EDARADD: variants seen among roughly 807,000 people sequenced by gnomAD.
The protein encoded by EDARADD is ectodysplasin-A receptor-associated adapter protein.
In EDARADD, 20 loss-of-function variants were observed where a neutral mutation model predicts 25.6. The observed-to-expected ratio is 0.78, with a 90% CI of 0.55 to 1.14. EDARADD has a LOEUF of 1.14. Ranked by LOEUF, EDARADD falls within the 50% of genes most tolerant of loss-of-function variation. EDARADD has a pLI of 0.00. For missense variants in EDARADD, 225 were observed against 270.1 expected, an observed-to-expected ratio of 0.83 and a Z score of 1.17; for synonymous variants, 86 against 94.4, an observed-to-expected ratio of 0.91 and a Z score of 0.52.
intron 3 of EDARADD, among the ~76,000 whole-genome samples, chr1:236,425,396 T>C (rs593156): frequency 0.46 from 70,005 of 151,996 alleles, 17,974 homozygotes; most frequent in Non-Finnish European, 0.59. Context: ...GGTCACTGCC[T>C]TTGCCTTAGC....
intron 4 of EDARADD, among the ~76,000 whole-genome samples, chr1:236,454,536 G>A (rs537681048): frequency 6.6e-6 from 1 of 152,324 alleles, no homozygotes; most frequent in East Asian, 1.9e-4. Context: ...ACTAGAGCAG[G>A]GGGATGACTC....
At chr1:236,390,518 A>C (rs1329529965), upstream of EDARADD, among the ~76,000 whole-genome samples, 3 of 152,060 alleles carry the variant, frequency 2.0e-5, no homozygotes, top group African/African-American at 7.2e-5. Context: ...CAGCCACTGC[A>C]CTCCAGCCTG....
intron 3 of EDARADD, among the ~76,000 whole-genome samples, chr1:236,370,455 A>G (rs773828156): frequency 6.6e-6 from 1 of 152,188 alleles, no homozygotes; most frequent in Non-Finnish European, 1.5e-5. Flanking sequence ...GTAGAAAAAG[A>G]GTAATTCACA....
intron 4 of EDARADD, among the ~76,000 whole-genome samples, chr1:236,434,817 A>AT (rs1235569387): frequency 6.6e-6 from 1 of 151,876 alleles, no homozygotes; most frequent in Non-Finnish European, 1.5e-5. Context: ...ATTTTCAGTG[A>AT]TTTTCTCATG....
intron 4 of EDARADD, among the ~76,000 whole-genome samples, chr1:236,459,611 CTTTT>C (rs397860471): frequency 3.1e-4 from 31 of 100,476 alleles, no homozygotes; most frequent in African/African-American, 4.1e-4. Flanking sequence ...TTATTTAGCT[CTTTT>C]TTTTTTTTTT....
rs1056670882 is a variant in EDARADD, at chr1:236,476,107, G to A, written c.266-6160G>A. On this transcript the variant is annotated intron_variant, in intron 5 of 5. Transcript: ENST00000334232. ...CTCAGGAGGCTGAAGCAGGAGAATCGCTGGAACCTGGTAGGCAGAGGTTGC... is the reference window on the plus strand; with the variant it reads ...CTCAGGAGGCTGAAGCAGGAGAATCACTGGAACCTGGTAGGCAGAGGTTGC... 8.5e-5 allele frequency among the ~76,000 whole-genome samples: 13 copies of A among 152,048 alleles called. 1 individual carries two copies. The highest frequency in any genetic ancestry group is 7.2e-4 in the Admixed American group (11 of 15,260).
At position 236,354,751 on chromosome 1, in the gene EDARADD, A is replaced by C. The variant is rs1666954974; in HGVS notation, c.-6+3912A>C. Among the ~76,000 whole-genome samples, 4 of 152,190 alleles carry C rather than the reference A, an allele frequency of 2.6e-5. No homozygotes were observed. The South Asian group carries it at 8.3e-4, about 31-fold the overall frequency. ...GCCAACCTCAAGCCAGTTTCAGCAA[A>C]TTGTAGAGACTGCACACACAAATTA... On this transcript the variant is annotated intron_variant, in intron 3 of 7. Transcript: ENST00000439430.
intron 3 of EDARADD, among the ~76,000 whole-genome samples, chr1:236,382,007 G>T (rs1667309055): frequency 6.6e-6 from 1 of 151,148 alleles, no homozygotes; most frequent in South Asian, 2.1e-4. Flanking sequence ...GGGTTTTGGT[G>T]ATTTTTTTTT....
chr1:236,445,542 T>C (rs1658515140), intron 4 of EDARADD, among the ~76,000 whole-genome samples: 1 of 152,144 alleles, frequency 6.6e-6, no homozygotes, highest in African/African-American at 2.4e-5. Context: ...ATCAATTCTT[T>C]ATTGACTGTC....
chr1:236,404,174 C>T (rs554094543), intron 1 of EDARADD, among the ~76,000 whole-genome samples: 5 of 152,350 alleles, frequency 3.3e-5, no homozygotes, highest in African/African-American at 4.8e-5. Context: ...CCTGAAGGCT[C>T]AGCCTGCTGT....
At chr1:236,448,858 G>T (rs904504705) in intron 4 of EDARADD, among the ~76,000 whole-genome samples, 7 of 152,162 alleles carry the variant, frequency 4.6e-5, no homozygotes, top group African/African-American at 1.7e-4. Flanking sequence ...AAAAACAGAG[G>T]CCCAGAGATT....
chr1:236,408,169 G>A (rs1050952821), intron 1 of EDARADD, among the ~76,000 whole-genome samples: 1 of 151,734 alleles, frequency 6.6e-6, no homozygotes, highest in African/African-American at 2.4e-5. Context: ...AATATGGTGG[G>A]GTTTTTTATG....
chr1:236,478,357 A>ATG (rs746114148), intron 5 of EDARADD, among the ~76,000 whole-genome samples: 21 of 128,304 alleles, frequency 1.6e-4, no homozygotes, highest in South Asian at 2.5e-4. Context: ...ATCCATATAT[A>ATG]TATGTGTGTG....
At chr1:236,454,251 T>C (rs2990596) in intron 4 of EDARADD, among the ~76,000 whole-genome samples, 109,870 of 151,840 alleles carry the variant, frequency 0.72, 40,434 homozygotes, top group Non-Finnish European at 0.8. Flanking sequence ...GGTTTCACCC[T>C]GTTAGCCAAG....
chr1:236,428,743 G>A (rs1377933221), intron 4 of EDARADD, among the ~76,000 whole-genome samples: 1 of 149,898 alleles, frequency 6.7e-6, no homozygotes, highest in African/African-American at 2.4e-5. Context: ...TGGCGGCCGG[G>A]CAGAGGCTGC....
chr1:236,358,060 G>A lies in EDARADD; in HGVS notation c.-6+7221G>A, dbSNP rs536285459. The stretch of plus-strand genomic sequence containing the variant: ...CTAATTTTGTATTTTTAGAAGAGAT[G>A]GGGTTTTGCCATGTTGGCCAGGCTG... On this transcript the variant is annotated intron_variant, in intron 3 of 7. Coordinates refer to the EDARADD transcript ENST00000439430. 1.8e-4 allele frequency among the ~76,000 whole-genome samples: 27 copies of A among 152,170 alleles called. 1 individual carries two copies. The highest frequency in any genetic ancestry group is 6.3e-4 in the African/African-American group (26 of 41,524).
chr1:236,388,607 A>C (rs1192467427), intron 3 of EDARADD, among the ~76,000 whole-genome samples: 2 of 152,154 alleles, frequency 1.3e-5, no homozygotes, highest in South Asian at 2.1e-4. Context: ...AGTTTTATTG[A>C]ATTTATTTCT....
rs190020194 is a variant in EDARADD, at chr1:236,362,298, C to T, written c.-6+11459C>T. Among the ~76,000 whole-genome samples the T allele has an allele frequency of 3.1e-3, 468 of 152,282 alleles. 2 individuals are homozygous for T. The highest frequency in any genetic ancestry group is 0.011 in the African/African-American group (450 of 41,536). The stretch of plus-strand genomic sequence containing the variant: ...CTTTAATTTGCATGTATGGAACAAC[C>T]GATGATGTTGAGCGTCTATTTGTGT... On this transcript the variant is annotated intron_variant, in intron 3 of 7. Coordinates refer to the EDARADD transcript ENST00000439430.
intron 4 of EDARADD, among the ~76,000 whole-genome samples, chr1:236,456,592 T>C (rs1658870854): frequency 6.6e-6 from 1 of 152,102 alleles, no homozygotes; most frequent in South Asian, 2.1e-4. Flanking sequence ...TGCCATGACC[T>C]TCCTCCTGCG....
Sources: gnomAD v4.1 joint callset for allele counts (sites outside exome capture counted in the v4.1 genomes callset) on GRCh38, gnomAD v4.1.1 for gene constraint, MANE v1.5 for transcripts, NCBI Gene and HGNC (gene_info 2026-07-23, HGNC 2026-07-21) for gene names.